PRKD1: variants seen among roughly 807,000 people sequenced by gnomAD.
The protein encoded by PRKD1 is serine/threonine-protein kinase D1.
A neutral mutation model predicts 95.9 loss-of-function variants in PRKD1; 63 were observed. The observed-to-expected ratio is 0.66, with a 90% confidence interval of 0.54 to 0.81. PRKD1 has a LOEUF of 0.81. Among genes scored for constraint, PRKD1 ranks in the 30% least tolerant of loss-of-function variants. The pLI, the probability that PRKD1 is intolerant of heterozygous loss-of-function variation, is 0.00. For synonymous variants in PRKD1, 425 were observed against 423.1 expected (o/e 1.00, Z -0.05); for missense variants, 1,048 against 1,165.3 (o/e 0.90, Z 1.47).
intron 1 of PRKD1, among the ~76,000 whole-genome samples, chr14:29,757,785 AG>A (rs1158725863): frequency 2.6e-5 from 4 of 152,116 alleles, no homozygotes; most frequent in Non-Finnish European, 5.9e-5. Context: ...GAATGGAGAC[AG>A]GGGTGAATGG....
At chr14:29,819,258 G>T (rs1890811121) in intron 1 of PRKD1, among the ~76,000 whole-genome samples, 1 of 152,028 alleles carries the variant, frequency 6.6e-6, no homozygotes, top group South Asian at 2.1e-4. Flanking sequence ...TTGCACTGTG[G>T]TTATATAAAA....
At chr14:29,609,541 T>C (rs370145347) in intron 13 of PRKD1, among the ~76,000 whole-genome samples, 148 of 62,224 alleles carry the variant, frequency 2.4e-3, no homozygotes, top group African/African-American at 5.1e-3. Flanking sequence ...CACACACATA[T>C]ATATATTTTA....
intron 1 of PRKD1, among the ~76,000 whole-genome samples, chr14:29,901,696 A>G (rs1349040317): frequency 2.0e-5 from 3 of 152,366 alleles, no homozygotes; most frequent in Admixed American, 1.3e-4. Context: ...CAGCAACAGC[A>G]ATAGTAGAAA....
chr14:29,788,372 G>A (rs996235707), intron 1 of PRKD1, among the ~76,000 whole-genome samples: 2 of 152,080 alleles, frequency 1.3e-5, no homozygotes, highest in African/African-American at 2.4e-5. Context: ...ACTTTTGACC[G>A]ATTAACTATA....
intron 2 of PRKD1, among the ~76,000 whole-genome samples, chr14:29,719,429 C>T (rs1321495200): frequency 6.6e-6 from 1 of 152,138 alleles, no homozygotes; most frequent in East Asian, 1.9e-4. Context: ...TTTGCTGTTA[C>T]AAATATCATC....
intron 1 of PRKD1, among the ~76,000 whole-genome samples, chr14:29,863,327 TA>T (rs1397826412): frequency 2.0e-5 from 3 of 152,182 alleles, no homozygotes; most frequent in Non-Finnish European, 4.4e-5. Flanking sequence ...ATATCAGATA[TA>T]AAAGTGTTTT....
chr14:29,675,596 A>G (rs1195590407), intron 2 of PRKD1, among the ~76,000 whole-genome samples: 1 of 152,196 alleles, frequency 6.6e-6, no homozygotes, highest in African/African-American at 2.4e-5. Flanking sequence ...CTAGAACTAG[A>G]AACACCATTT....
intron 1 of PRKD1, among the ~76,000 whole-genome samples, chr14:29,736,030 A>G (rs1428217436): frequency 6.6e-6 from 1 of 152,202 alleles, no homozygotes; most frequent in Non-Finnish European, 1.5e-5. Context: ...CAATATCAAA[A>G]TGACTAAAGT....
At chr14:29,646,837 C>T (rs1228467339) in intron 4 of PRKD1, among the ~76,000 whole-genome samples, 1 of 151,170 alleles carries the variant, frequency 6.6e-6, no homozygotes, top group African/African-American at 2.4e-5. Context: ...TTTTCCAGCA[C>T]AGAGCTCTTT....
chr14:29,686,913 TG>T (rs2139285347), intron 2 of PRKD1, among the ~76,000 whole-genome samples: 1 of 152,322 alleles, frequency 6.6e-6, no homozygotes, highest in East Asian at 1.9e-4. Flanking sequence ...ACTACCTGAC[TG>T]TTAACAACAT....
chr14:29,889,507 A>T (rs1169404329), intron 1 of PRKD1, among the ~76,000 whole-genome samples: 6 of 152,210 alleles, frequency 3.9e-5, no homozygotes, highest in Non-Finnish European at 8.8e-5. Flanking sequence ...CATCAATAAT[A>T]GACTGGATGA....
chr14:29,605,081 C>T (rs752690576), intron 13 of PRKD1, among the ~76,000 whole-genome samples: 1 of 152,088 alleles, frequency 6.6e-6, no homozygotes, highest in Admixed American at 6.6e-5. Flanking sequence ...TCACACTGAC[C>T]CCTTACCTTC....
At chr14:29,586,977 G>A (rs764770003) in intron 16 of PRKD1, among the ~76,000 whole-genome samples, 5 of 152,150 alleles carry the variant, frequency 3.3e-5, no homozygotes, top group Non-Finnish European at 7.3e-5. Flanking sequence ...AGTCCTGAGG[G>A]TTGACTATAA....
chr14:29,883,738 T>A (rs563846806), intron 1 of PRKD1, among the ~76,000 whole-genome samples: 1 of 152,186 alleles, frequency 6.6e-6, no homozygotes, highest in Non-Finnish European at 1.5e-5. Flanking sequence ...TACCTGAGAT[T>A]TGCCACCTAA....
At chr14:29,728,357 TA>T (rs1886268892) in intron 1 of PRKD1, among the ~76,000 whole-genome samples, 1 of 152,196 alleles carries the variant, frequency 6.6e-6, no homozygotes, top group Non-Finnish European at 1.5e-5. Context: ...CAAATATAAC[TA>T]CCCATATAAC....
chr14:29,611,851 A>C (rs543440527), intron 13 of PRKD1, among the ~76,000 whole-genome samples: 68 of 152,166 alleles, frequency 4.5e-4, no homozygotes, highest in Admixed American at 9.2e-4. Flanking sequence ...CTTGGCATCA[A>C]ATGTCTGGAA....
chr14:29,650,011 C>T (rs904510844), intron 4 of PRKD1, among the ~76,000 whole-genome samples: 2 of 152,198 alleles, frequency 1.3e-5, no homozygotes, highest in African/African-American at 4.8e-5. Context: ...TCATACACTT[C>T]CCTGCTTCCA....
intron 1 of PRKD1, among the ~76,000 whole-genome samples, chr14:29,750,471 T>C: frequency 6.6e-6 from 1 of 152,092 alleles, no homozygotes; most frequent in East Asian, 1.9e-4. Flanking sequence ...TTAAGAAAGA[T>C]GAAGAAAAAC....
At position 29,587,855 on chromosome 14, in the gene PRKD1, A is replaced by G. The variant is rs537958555; in HGVS notation, c.2435-9495T>C. Among the ~76,000 whole-genome samples the G allele has an allele frequency of 1.5e-4, 23 of 152,220 alleles. 1 individual carries two copies. In the South Asian group the frequency reaches 4.4e-3, roughly 29 times the overall value. On this transcript the variant is annotated intron_variant, in intron 16 of 17. Transcript: ENST00000331968. ...AAAATTAAACATAATTAATTCCAGA[A>G]TCTTAAGTTGAGATTGTTTAGAATG...
Sources: gnomAD v4.1 joint callset for allele counts (sites outside exome capture counted in the v4.1 genomes callset) on GRCh38, gnomAD v4.1.1 for gene constraint, MANE v1.5 for transcripts, NCBI Gene and HGNC (gene_info 2026-07-23, HGNC 2026-07-21) for gene names.